The following DNAH1 variants were observed in gnomAD, a reference collection of about 807,000 sequenced individuals.
DNAH1 encodes the protein axonemal beta dynein heavy chain 1.
Under a neutral mutation model 484.3 loss-of-function variants are expected in DNAH1, and 327 were observed. That is an observed-to-expected ratio of 0.68 (90% CI 0.62 to 0.74). The LOEUF (loss-of-function observed/expected upper bound fraction) is 0.74. Ranked by LOEUF, DNAH1 falls within the 30% of genes least tolerant of loss-of-function variation. The pLI is 0.00. For synonymous variants in DNAH1, 2,192 were observed against 2,191.9 expected (o/e 1.00, Z 0.00); for missense variants, 5,052 against 5,546.8 (o/e 0.91, Z 2.83).
chr3:52,400,209 G>C, intron 77 of DNAH1, 116 bp from the exon 78 acceptor site: 2 of 1,413,336 alleles, frequency 1.4e-6, no homozygotes, highest in African/African-American at 2.8e-5. Context: ...GCTTCCTCTT[G>C]GGTCAGGGCC....
intron 46 of DNAH1, among the ~76,000 whole-genome samples, chr3:52,376,415 C>T (rs895826894): frequency 6.6e-6 from 1 of 152,202 alleles, no homozygotes; most frequent in Non-Finnish European, 1.5e-5. Flanking sequence ...AGTCCCTGTC[C>T]TTGCCCAGGC....
Position 52,353,522 on chromosome 3 carries a change from G to T in DNAH1, c.3369G>T (p.Arg1123Ser). ...CCAACCAGATCAACATCAATGTCAG[G>T]CCCAAGGCCAACCTGACCTTTGCTC... ...TLSNQININV[R>S]PKANLTFARC... The change falls in exon 20 of 78, where the codon AGG becomes AGT. Residue 1123 changes from arginine to serine, a missense_variant. This residue lies in a region of DNAH1 where 2,929 missense variants were observed against 3,409.4 expected (regional missense o/e 0.86). Transcript: ENST00000420323. This position sits in a 1 kb window ranked among gnomAD's most constrained non-coding sequence, Gnocchi z 5.0. 1.2e-6 allele frequency: 2 copies of T among 1,613,856 alleles called. No homozygotes were observed. The highest frequency in any genetic ancestry group is 1.7e-6 in the Non-Finnish European group (2 of 1,179,880).
Position 52,397,694 on chromosome 3 carries a change from T to C in DNAH1, c.11788-13T>C. 1 of 1,581,230 alleles carries C rather than the reference T, an allele frequency of 6.3e-7. No homozygotes were observed. Among genetic ancestry groups the C allele is most frequent in the Non-Finnish European group, 8.6e-7 (1 of 1,164,110 alleles). On this transcript the variant is annotated splice_polypyrimidine_tract_variant and intron_variant, in intron 73 of 77. Transcript: ENST00000420323. ...CAAGCCAGGGGCTTCCATGTTGGCCTCCTCTCTCCTAGGGCTACCTCTCCT... is the reference window on the plus strand; with the variant it reads ...CAAGCCAGGGGCTTCCATGTTGGCCCCCTCTCTCCTAGGGCTACCTCTCCT...
chr3:52,384,527 C>T (rs1704010221), intron 52 of DNAH1, among the ~76,000 whole-genome samples: 1 of 152,186 alleles, frequency 6.6e-6, no homozygotes, highest in Non-Finnish European at 1.5e-5. Context: ...ACAGCTAGGT[C>T]CAAGTTCAAA....
rs1701231119 is a variant in DNAH1, at chr3:52,323,676, C to T, written c.334-132C>T. The T allele has an allele frequency of 4.8e-6, 3 of 620,838 alleles. No homozygotes were observed. The South Asian group carries it at 6.1e-5, about 13-fold the overall frequency. The allele number at this position is 620,838 out of a possible 1,614,324, so 38.5% of individuals were successfully genotyped here. On this transcript the variant is annotated intron_variant, in intron 2 of 77. Coordinates refer to ENST00000420323, the MANE Select transcript of DNAH1 (RefSeq NM_015512.5). Reference sequence around the variant, plus strand: ...GGGGAATTGTGCATACTCACTGGTTCTGCCCACTCCTGTGCTCCTGGAGTG... The same window carrying T: ...GGGGAATTGTGCATACTCACTGGTTTTGCCCACTCCTGTGCTCCTGGAGTG...
rs1702921644 is a variant in DNAH1, at chr3:52,362,924, G to A, written c.5095-71G>A. 1.3e-6 allele frequency: 2 copies of A among 1,599,064 alleles called. No homozygotes were observed. The highest frequency in any genetic ancestry group is 2.2e-5 in the East Asian group (1 of 44,692). On this transcript the variant is annotated intron_variant, in intron 31 of 77. Coordinates refer to ENST00000420323, the MANE Select transcript of DNAH1 (RefSeq NM_015512.5). The surrounding 1 kb of genome is among the most constrained non-coding windows in gnomAD (Gnocchi z 5.1). ...GGAGTCCCAGCGTGTTAGGGAGGAGGGCCGGATGAAGCTGGGGGTGCTCTG... is the reference window on the plus strand; with the variant it reads ...GGAGTCCCAGCGTGTTAGGGAGGAGAGCCGGATGAAGCTGGGGGTGCTCTG...
chr3:52,380,462 G>T (rs1400484922), intron 48 of DNAH1, among the ~76,000 whole-genome samples: 1 of 152,222 alleles, frequency 6.6e-6, no homozygotes, highest in African/African-American at 2.4e-5. Context: ...CAGGGAAGAG[G>T]CCTCACTTGG....
At chr3:52,335,211 A>C (rs1417113713) in intron 8 of DNAH1, among the ~76,000 whole-genome samples, 14 of 113,136 alleles carry the variant, frequency 1.2e-4, no homozygotes, top group Non-Finnish European at 2.2e-4. Context: ...GCCTGCCACC[A>C]CACCCAGCTA....
chr3:52,319,749 A>G (rs1701077768), intron 1 of DNAH1, among the ~76,000 whole-genome samples: 1 of 152,198 alleles, frequency 6.6e-6, no homozygotes, highest in South Asian at 2.1e-4. Context: ...GCTCCTGAGT[A>G]TACTGGTAAT....
intron 56 of DNAH1, among the ~76,000 whole-genome samples, chr3:52,387,594 C>T (rs889296132): frequency 6.6e-6 from 1 of 152,218 alleles, no homozygotes; most frequent in African/African-American, 2.4e-5. Flanking sequence ...AACTAGAGGC[C>T]CCACAGGCCT....
rs910894244 is a variant in DNAH1 at position 52,357,841 on chromosome 3, C to A, written c.3981-57C>A. 9.6e-5 allele frequency: 152 copies of A among 1,586,314 alleles called. No homozygotes were observed. The African/African-American group carries it at 1.7e-3, about 18-fold the overall frequency. On this transcript the variant is annotated intron_variant, in intron 23 of 77. Coordinates refer to ENST00000420323, the MANE Select transcript of DNAH1 (RefSeq NM_015512.5). ...TGCGGGGATGTCAGCAGGACTGGGG[C>A]AGCTGGGGCCCAGGGAGCCTGCACG...
chr3:52,346,333 A>G, intron 10 of DNAH1, 139 bp from the exon 11 acceptor site: 1 of 891,990 alleles, frequency 1.1e-6, no homozygotes, highest in Non-Finnish European at 1.7e-6. Context: ...CTTGGCAGTA[A>G]GTTGGGGTAG....
chr3:52,333,052 A>T (rs887783917), intron 8 of DNAH1, among the ~76,000 whole-genome samples: 11 of 151,912 alleles, frequency 7.2e-5, no homozygotes, highest in African/African-American at 2.4e-4. Context: ...ACATCTGGCT[A>T]ATTTTGTTAT....
intron 8 of DNAH1, among the ~76,000 whole-genome samples, chr3:52,339,582 G>T (rs952471003): frequency 6.6e-6 from 1 of 151,878 alleles, no homozygotes; most frequent in Non-Finnish European, 1.5e-5. Context: ...AGGGGTGATG[G>T]GAATTTTATC....
In DNAH1 at chr3:52,355,024, A is replaced by G; in HGVS notation, c.3662A>G (p.Asn1221Ser). The G allele has an allele frequency of 6.2e-7, 1 of 1,613,364 alleles. No individual in the cohort carries two copies. The highest frequency in any genetic ancestry group is 8.5e-7 in the Non-Finnish European group (1 of 1,179,736). ...PYKKPFEQRI[N>S]SWENKLKLTQ... is the part of the protein sequence containing the mutation. The stretch of plus-strand genomic sequence containing the variant: ...AAGAAGCCCTTTGAGCAGCGCATCA[A>G]CTCCTGGGAGAACAAACTGAAGCTG... Residue 1221 changes from asparagine (N) to serine (S), a missense_variant, in exon 21 of 78, where the codon AAC becomes AGC. Transcript: ENST00000420323. The surrounding 1 kb of genome is among the most constrained non-coding windows in gnomAD (Gnocchi z 4.5).
intron 15 of DNAH1, 56 bp from the exon 16 acceptor site, chr3:52,350,452 A>G: frequency 6.4e-7 from 1 of 1,552,118 alleles, no homozygotes; most frequent in Non-Finnish European, 8.9e-7. Flanking sequence ...CCAGGTTCCG[A>G]TTACCCACCA....
chr3:52,391,391 GC>G (rs1704374210), intron 62 of DNAH1, 51 bp from the exon 63 acceptor site: 2 of 1,590,936 alleles, frequency 1.3e-6, no homozygotes. Flanking sequence ...CCCTTCCCCT[GC>G]CCCACTGGTG....
At chr3:52,356,878 C>G (rs1702632417) in intron 22 of DNAH1, 100 bp downstream of exon 22, 1 of 1,399,432 alleles carries the variant, frequency 7.1e-7, no homozygotes, top group African/African-American at 1.4e-5. Flanking sequence ...ACAGAAAAGG[C>G]TGGTGGACAA....
Position 52,327,030 on chromosome 3 carries a change from A to G in DNAH1, c.738+139A>G, listed in dbSNP as rs142520357. The G allele has an allele frequency of 6.4e-3, 7,759 of 1,203,556 alleles. 42 individuals carry two copies. The highest frequency in any genetic ancestry group is 7.9e-3 in the Non-Finnish European group (7,052 of 892,490). The allele number at this position is 1,203,556 out of a possible 1,614,324, so 74.6% of individuals were successfully genotyped here. Reference sequence around the variant, plus strand: ...TTGTCAAACAGGGCAGGTCAACAATAGGAACCCATCCCAGGTACTTTGAGC... The same window carrying G: ...TTGTCAAACAGGGCAGGTCAACAATGGGAACCCATCCCAGGTACTTTGAGC... On this transcript the variant is annotated intron_variant, in intron 5 of 77. Coordinates refer to ENST00000420323, the MANE Select transcript of DNAH1 (RefSeq NM_015512.5).
Sources: allele counts gnomAD v4.1 joint callset (sites outside exome capture counted in the v4.1 genomes callset), GRCh38; gene constraint gnomAD v4.1.1; regional missense constraint gnomAD v4.1.1; non-coding constraint Gnocchi (gnomAD v3.1); transcripts MANE v1.5; gene names NCBI Gene and HGNC (gene_info 2026-07-23, HGNC 2026-07-21).